The following UGT1A9 variants were observed in gnomAD, a reference collection of about 807,000 sequenced individuals.
UGT1A9 encodes UDP glucuronosyltransferase family 1 member A9, also known as UDP-glucuronosyltransferase 1A9.
UGT1A9 carries 35 observed loss-of-function variants against 45.0 expected under a neutral mutation model. The observed-to-expected ratio is 0.78, with a 90% confidence interval of 0.59 to 1.03. The LOEUF is 1.03. UGT1A9 is among the 50% of genes least tolerant of loss of function. The pLI, the probability that UGT1A9 is intolerant of heterozygous loss-of-function variation, is 0.00. For missense variants in UGT1A9, 687 were observed against 666.6 expected, an observed-to-expected ratio of 1.03 and a Z score of -0.34; for synonymous variants, 278 against 250.6, an observed-to-expected ratio of 1.11 and a Z score of -1.03.
intron 1 of UGT1A9, among the ~76,000 whole-genome samples, chr2:233,751,262 C>A (rs1474286955): frequency 1.3e-5 from 2 of 151,906 alleles, no homozygotes; most frequent in Non-Finnish European, 2.9e-5. Flanking sequence ...GCCTGTAGCC[C>A]CCTTTTTTTG....
chr2:233,681,548 A>T (rs1443881334), intron 1 of UGT1A9, among the ~76,000 whole-genome samples: 5 of 151,748 alleles, frequency 3.3e-5, no homozygotes, highest in African/African-American at 9.7e-5. Context: ...AAAAAAAAAA[A>T]AAAAAATTGC....
In UGT1A9 at chr2:233,769,763, G is replaced by A; in HGVS notation, c.1295+1324G>A. 4 of 1,411,540 alleles carry A rather than the reference G, an allele frequency of 2.8e-6. No homozygotes were observed. The South Asian group carries it at 4.7e-5, about 17-fold the overall frequency. The allele number at this position is 1,411,540 out of a possible 1,614,324, so 87.4% of individuals were successfully genotyped here. A position where few individuals can be genotyped will look rare whatever the true frequency, so the allele number is the denominator to read the frequency against. ...CCAGCCACTCTGGAGGCTAAGGCGG[G>A]AGGATTGCTTGAGCCCAGAAGTTGG... On this transcript the variant is annotated intron_variant, in intron 4 of 4. Transcript: ENST00000354728. The surrounding 1 kb of genome is among the most constrained non-coding windows in gnomAD (Gnocchi z 4.4).
intron 1 of UGT1A9, among the ~76,000 whole-genome samples, chr2:233,741,313 C>T (rs1377772642): frequency 1.3e-5 from 2 of 151,788 alleles, no homozygotes; most frequent in African/African-American, 4.9e-5. Flanking sequence ...TACACACCAA[C>T]TCATTCTACT....
intron 1 of UGT1A9, chr2:233,743,892 C>A (rs1369437404): frequency 1.5e-6 from 2 of 1,366,886 alleles, no homozygotes; most frequent in Non-Finnish European, 2.0e-6. Flanking sequence ...CGGGGCACGT[C>A]CAGCACCTCG....
At chr2:233,736,293 T>C (rs1349532860) in intron 1 of UGT1A9, among the ~76,000 whole-genome samples, 2 of 152,248 alleles carry the variant, frequency 1.3e-5, no homozygotes, top group Admixed American at 1.3e-4. Flanking sequence ...TTCTTCCAGT[T>C]GCTCTAATCA....
At chr2:233,747,731 G>A in intron 1 of UGT1A9, 1 of 1,612,808 alleles carries the variant, frequency 6.2e-7, no homozygotes, top group South Asian at 1.1e-5. Flanking sequence ...TGTTTTTTTT[G>A]AGGAACATTC....
chr2:233,747,956 T>G, intron 1 of UGT1A9: 1 of 1,613,440 alleles, frequency 6.2e-7, no homozygotes, highest in African/African-American at 1.3e-5. Flanking sequence ...TGGTGGATCT[T>G]CTCAGCCATG....
intron 1 of UGT1A9, chr2:233,755,034 C>T (rs1309322723): frequency 1.5e-6 from 2 of 1,316,576 alleles, no homozygotes; most frequent in Admixed American, 3.8e-5. Context: ...GGGCCTGCCG[C>T]CTGCGCAGCC....
chr2:233,767,728 C>A, intron 2 of UGT1A9, 121 bp from the exon 3 acceptor site: 1 of 1,556,454 alleles, frequency 6.4e-7, no homozygotes, highest in Non-Finnish European at 8.7e-7. Context: ...AGTTACTGAT[C>A]CTCCCACTCT....
chr2:233,677,704 A>G (rs1575422206), intron 1 of UGT1A9, among the ~76,000 whole-genome samples: 1 of 152,200 alleles, frequency 6.6e-6, no homozygotes, highest in African/African-American at 2.4e-5. Context: ...TGCTGAGAAA[A>G]GGGAACACTT....
At chr2:233,702,441 A>T (rs897669442) in intron 1 of UGT1A9, among the ~76,000 whole-genome samples, 12 of 152,156 alleles carry the variant, frequency 7.9e-5, no homozygotes, top group Non-Finnish European at 1.5e-4. Flanking sequence ...TCTAATAAGG[A>T]TAACATTTAT....
At chr2:233,718,193 G>A (rs1200369383) in intron 1 of UGT1A9, among the ~76,000 whole-genome samples, 4 of 152,124 alleles carry the variant, frequency 2.6e-5, no homozygotes, top group Admixed American at 1.3e-4. Context: ...CAGCCTCCCC[G>A]GAGCTTTTTT....
At chr2:233,725,887 G>A (rs1228393532) in intron 1 of UGT1A9, among the ~76,000 whole-genome samples, 1 of 152,022 alleles carries the variant, frequency 6.6e-6, no homozygotes, top group Non-Finnish European at 1.5e-5. Context: ...TGATTTGTAG[G>A]CAGGTGGGTG....
chr2:233,713,619 AG>A (rs2076334398), intron 1 of UGT1A9: 1 of 1,613,856 alleles, frequency 6.2e-7, no homozygotes, highest in African/African-American at 1.3e-5. Flanking sequence ...ATTCCTGCAA[AG>A]GGTCAAGAAC....
At chr2:233,759,133 C>T (rs973211945) in intron 1 of UGT1A9, among the ~76,000 whole-genome samples, 1 of 152,206 alleles carries the variant, frequency 6.6e-6, no homozygotes, top group African/African-American at 2.4e-5. Flanking sequence ...CTCTGGTACG[C>T]AATGAAGGTG....
At chr2:233,770,549 T>C (rs1220272101) in intron 4 of UGT1A9, 7 of 151,978 alleles carry the variant, frequency 4.6e-5, no homozygotes, top group Non-Finnish European at 8.8e-5. Flanking sequence ...TCCCAGCTAT[T>C]TGGGAGGCTG....
chr2:233,734,888 G>C (rs895051650), intron 1 of UGT1A9, among the ~76,000 whole-genome samples: 2 of 152,104 alleles, frequency 1.3e-5, no homozygotes, highest in African/African-American at 4.8e-5. Context: ...ACAGTTTGTT[G>C]TGATTTCTAT....
rs1437510882 is a variant in UGT1A9 at position 233,713,518 on chromosome 2, T to C, written c.855+40729T>C. On this transcript the variant is annotated intron_variant, in intron 1 of 4. Transcript: ENST00000354728. ...CCTGCTGTGTTTTTCTTGAGGAACA[T>C]TCCATGTGATTTAGACTTTAAGGGC... is the stretch of plus-strand genomic sequence containing the variant. 3 of 1,613,936 alleles carry C rather than the reference T, an allele frequency of 1.9e-6. No individual in the cohort carries two copies. In the South Asian group the frequency reaches 3.3e-5, roughly 18 times the overall value.
At chr2:233,710,997 T>C (rs1288211350) in intron 1 of UGT1A9, among the ~76,000 whole-genome samples, 1 of 152,218 alleles carries the variant, frequency 6.6e-6, no homozygotes, top group Non-Finnish European at 1.5e-5. Context: ...ATCAGGCTAT[T>C]GGATGCCTTT....
Sources: allele counts gnomAD v4.1 joint callset (sites outside exome capture counted in the v4.1 genomes callset), GRCh38; gene constraint gnomAD v4.1.1; non-coding constraint Gnocchi (gnomAD v3.1); transcripts MANE v1.5; gene names NCBI Gene and HGNC (gene_info 2026-07-23, HGNC 2026-07-21).